CYFIP2: variants seen among roughly 807,000 people sequenced by gnomAD.
The protein encoded by CYFIP2 is cytoplasmic FMR1-interacting protein 2.
A neutral mutation model predicts 158.7 loss-of-function variants in CYFIP2; 29 were observed. The observed-to-expected ratio is 0.18, with a 90% CI of 0.14 to 0.25. CYFIP2 has a LOEUF of 0.25. Among genes scored for constraint, CYFIP2 ranks in the 10% least tolerant of loss-of-function variants. CYFIP2 has a pLI of 1.00. For synonymous variants in CYFIP2, 585 were observed against 617.6 expected, an observed-to-expected ratio of 0.95 and a Z score of 0.78; for missense variants, 852 against 1,639.5, an observed-to-expected ratio of 0.52 and a Z score of 8.29.
intron 19 of CYFIP2, among the ~76,000 whole-genome samples, chr5:157,328,900 G>A (rs1761236032): frequency 6.6e-6 from 1 of 152,174 alleles, no homozygotes; most frequent in Non-Finnish European, 1.5e-5. Context: ...ACCCTCGTGA[G>A]TTCTTGGGTT....
Position 157,284,884 on chromosome 5 carries a change from G to T in CYFIP2, c.-23-455G>T, listed in dbSNP as rs78769796. The stretch of plus-strand genomic sequence containing the variant: ...TTCAGTTGATTATCTTGGCTGTCAC[G>T]ATCCTGGATAATTGTATTGCATGGT... On this transcript the variant is annotated intron_variant, in intron 1 of 30. Coordinates refer to ENST00000620254, the MANE Select transcript of CYFIP2 (RefSeq NM_001037333.3). 3.5e-3 allele frequency among the ~76,000 whole-genome samples: 529 copies of T among 152,300 alleles called. 11 individuals carry two copies. The East Asian group carries it at 0.074, about 21-fold the overall frequency.
chr5:157,390,588 C>T lies in CYFIP2; in HGVS notation c.3514C>T (p.Arg1172Cys), dbSNP rs747100012. The change falls in exon 30 of 31, where the codon CGC becomes TGC. Residue 1172 changes from arginine to cysteine, a missense_variant. Arg to Cys is a radical substitution (Grantham distance 180, BLOSUM62 -3). This residue lies in a region of CYFIP2 where 223 missense variants were observed against 381.6 expected (regional missense o/e 0.58). Transcript: ENST00000620254. ...CATTGTCCTGCTGGGCCAGCAGCGT[C>T]GCTTTGACCTGTTCGACTTCTGTTA... ...SIIVLLGQQR[R>C]FDLFDFCYHL... 41 of 1,561,694 alleles carry T rather than the reference C, an allele frequency of 2.6e-5. No homozygotes were observed. Among genetic ancestry groups the T allele is most frequent in the Non-Finnish European group, 3.4e-5 (39 of 1,152,450 alleles).
chr5:157,315,517 A>G (rs1030858038), intron 13 of CYFIP2, among the ~76,000 whole-genome samples: 5 of 152,188 alleles, frequency 3.3e-5, no homozygotes, highest in African/African-American at 1.2e-4. Flanking sequence ...GGAAATAGAC[A>G]TTCTCATGTC....
intron 26 of CYFIP2, among the ~76,000 whole-genome samples, chr5:157,368,443 A>T (rs1309941420): frequency 6.6e-6 from 1 of 152,056 alleles, no homozygotes; most frequent in Non-Finnish European, 1.5e-5. Context: ...GAGGGAAAAA[A>T]AACTCCTCCA....
At chr5:157,366,771 T>A (rs1314941320) in intron 26 of CYFIP2, among the ~76,000 whole-genome samples, 1 of 152,262 alleles carries the variant, frequency 6.6e-6, no homozygotes, top group Non-Finnish European at 1.5e-5. Flanking sequence ...ATTCTATTAA[T>A]GTCTAGTGTT....
At position 157,393,067 on chromosome 5, in the gene CYFIP2, C is replaced by A; in HGVS notation, c.*67C>A. 6.4e-7 allele frequency: 1 copy of A among 1,569,218 alleles called. No individual in the cohort carries two copies. The highest frequency in any genetic ancestry group is 1.8e-5 in the Admixed American group (1 of 56,062). On this transcript the variant is annotated 3_prime_UTR_variant, in exon 31 of 31. Transcript: ENST00000620254. ...GCAGGAGAGAGAAAGCCACAGCCAGCCTGCCATAGGATCCAACTGGACAAC... is the reference window on the plus strand; with the variant it reads ...GCAGGAGAGAGAAAGCCACAGCCAGACTGCCATAGGATCCAACTGGACAAC...
chr5:157,365,198 C>T (rs1008276780), intron 26 of CYFIP2: 2 of 152,150 alleles, frequency 1.3e-5, no homozygotes, highest in Non-Finnish European at 2.9e-5. Context: ...ACAAGGAAAG[C>T]ACATTCATGT....
intron 28 of CYFIP2, chr5:157,383,628 T>C: frequency 3.3e-6 from 1 of 307,044 alleles, no homozygotes; most frequent in Admixed American, 4.4e-5. Flanking sequence ...ACTGTGTCCC[T>C]GGTAGATATC....
intron 28 of CYFIP2, among the ~76,000 whole-genome samples, chr5:157,383,955 GGAT>G (rs1380439007): frequency 1.3e-5 from 2 of 152,170 alleles, no homozygotes; most frequent in Non-Finnish European, 2.9e-5. Context: ...AGTTCATGCA[GGAT>G]GATGGCTTTT....
chr5:157,271,955 C>G (rs1361841624), intron 1 of CYFIP2, among the ~76,000 whole-genome samples: 1 of 152,178 alleles, frequency 6.6e-6, no homozygotes, highest in African/African-American at 2.4e-5. Flanking sequence ...CCCCAGGGCC[C>G]CAGCAGGAGC....
intron 17 of CYFIP2, 114 bp from the exon 18 acceptor site, chr5:157,326,057 G>T: frequency 1.2e-6 from 1 of 814,434 alleles, no homozygotes; most frequent in East Asian, 2.5e-5. Context: ...AGAGAGGGAT[G>T]AAAGATGGTC....
chr5:157,339,635 CAGTGAATAAGG>C (rs1561743572), intron 22 of CYFIP2, among the ~76,000 whole-genome samples: 1 of 152,138 alleles, frequency 6.6e-6, no homozygotes, highest in African/African-American at 2.4e-5. Flanking sequence ...CCATTACAAA[CAGTGAATAAGG>C]AGATGAAGGA....
intron 6 of CYFIP2, among the ~76,000 whole-genome samples, chr5:157,302,240 A>G (rs1343858247): frequency 6.6e-6 from 1 of 152,176 alleles, no homozygotes; most frequent in Non-Finnish European, 1.5e-5. Flanking sequence ...AGGCAGCCAC[A>G]GCTTTCTCCC....
At position 157,296,753 on chromosome 5, in the gene CYFIP2, C is replaced by T. The variant is rs745653522; in HGVS notation, c.366C>T (p.Leu122=). Residue 122 remains leucine, a synonymous_variant, in exon 5 of 31, where the codon CTC becomes CTT. Transcript: ENST00000620254. Reference sequence around the variant, plus strand: ...TGCTGGAGCCGGAGGTCACCAAGCTCATGAAGTTCATGTATTTTCAGGTGA... The same window carrying T: ...TGCTGGAGCCGGAGGTCACCAAGCTTATGAAGTTCATGTATTTTCAGGTGA... ...VEVLEPEVTK[L]MKFMYFQRKA... is the part of the protein sequence containing the mutation. 6.2e-7 allele frequency: 1 copy of T among 1,613,586 alleles called. No homozygotes were observed. Among genetic ancestry groups the T allele is most frequent in the South Asian group, 1.1e-5 (1 of 91,032 alleles).
At chr5:157,344,168 A>G (rs1213086304) in intron 23 of CYFIP2, among the ~76,000 whole-genome samples, 4 of 152,172 alleles carry the variant, frequency 2.6e-5, no homozygotes, top group African/African-American at 4.8e-5. Context: ...CAGCGGTACC[A>G]GGAAATTTAT....
At chr5:157,314,894 A>AT in intron 12 of CYFIP2, 75 bp from the exon 13 acceptor site, 2 of 1,175,126 alleles carry the variant, frequency 1.7e-6, no homozygotes, top group South Asian at 2.7e-5. Flanking sequence ...ATAATATTCC[A>AT]TTGCATGGAT....
chr5:157,362,614 T>C (rs2113374112), intron 26 of CYFIP2: 1 of 152,338 alleles, frequency 6.6e-6, no homozygotes, highest in Middle Eastern at 3.4e-3. Flanking sequence ...ATCTCACTCA[T>C]TAGATAATTA....
chr5:157,384,466 C>G (rs1337378117), intron 28 of CYFIP2: 1 of 456,756 alleles, frequency 2.2e-6, no homozygotes, highest in East Asian at 7.0e-5. Context: ...GTGTTCTCAC[C>G]AAGGGCAAAA....
At chr5:157,330,548 CTG>C (rs1232458304) in intron 19 of CYFIP2, among the ~76,000 whole-genome samples, 192 bp from the exon 20 acceptor site, 1 of 152,150 alleles carries the variant, frequency 6.6e-6, no homozygotes, top group Non-Finnish European at 1.5e-5. Flanking sequence ...CTTAGAAACT[CTG>C]TTTCACATAT....
Sources: allele counts gnomAD v4.1 joint callset (sites outside exome capture counted in the v4.1 genomes callset), GRCh38; gene constraint gnomAD v4.1.1; regional missense constraint gnomAD v4.1.1; transcripts MANE v1.5; gene names NCBI Gene and HGNC (gene_info 2026-07-23, HGNC 2026-07-21).